LACRT: variants seen among roughly 807,000 people sequenced by gnomAD.
The protein encoded by LACRT is extracellular glycoprotein lacritin.
Under a neutral mutation model 14.5 loss-of-function variants are expected in LACRT, and 14 were observed. That is an observed-to-expected ratio of 0.96 (90% CI 0.64 to 1.51). The LOEUF (loss-of-function observed/expected upper bound fraction) is 1.51. Ranked by LOEUF, LACRT falls within the 40% of genes most tolerant of loss-of-function variation. The pLI is 0.00. For synonymous variants in LACRT, 70 were observed against 63.5 expected, an observed-to-expected ratio of 1.10 and a Z score of -0.48; for missense variants, 156 against 161.8, an observed-to-expected ratio of 0.96 and a Z score of 0.19.
intron 2 of LACRT, among the ~76,000 whole-genome samples, 196 bp from the exon 3 acceptor site, chr12:54,632,577 G>A (rs927169716): frequency 6.6e-6 from 1 of 152,272 alleles, no homozygotes; most frequent in Admixed American, 6.5e-5. Flanking sequence ...GGCAGGGTTG[G>A]GGAAGGATTT....
chr12:54,631,638 G>C (rs567883906), intron 4 of LACRT, 100 bp downstream of exon 4: 1 of 827,952 alleles, frequency 1.2e-6, no homozygotes, highest in Admixed American at 1.8e-5. Context: ...TCTCATATGT[G>C]AGGTGGAAAT....
chr12:54,634,378 C>T (rs1224143059), intron 1 of LACRT, among the ~76,000 whole-genome samples: 1 of 151,838 alleles, frequency 6.6e-6, no homozygotes, highest in South Asian at 2.1e-4. Context: ...AAAAGGCATC[C>T]CTTCCTCCTA....
chr12:54,633,347 G>T, intron 1 of LACRT, 114 bp from the exon 2 acceptor site: 1 of 923,754 alleles, frequency 1.1e-6, no homozygotes, highest in Non-Finnish European at 1.7e-6. Context: ...GGATAGAAGG[G>T]GATCAATTTC....
intron 2 of LACRT, 28 bp downstream of exon 2, chr12:54,633,152 C>G: frequency 6.2e-7 from 1 of 1,611,542 alleles, no homozygotes; most frequent in Non-Finnish European, 8.5e-7. Flanking sequence ...CCAACGAGGG[C>G]TAGGGCAGCA....
chr12:54,634,591 A>G (rs1958175803), intron 1 of LACRT, among the ~76,000 whole-genome samples, 193 bp downstream of exon 1: 2 of 152,278 alleles, frequency 1.3e-5, no homozygotes, highest in African/African-American at 4.8e-5. Flanking sequence ...GGGCAGGCAG[A>G]GGCCAGAGAG....
chr12:54,631,737 C>T lies in LACRT; in HGVS notation c.355+1G>A. 6.2e-7 allele frequency: 1 copy of T among 1,610,954 alleles called. No individual in the cohort carries two copies. Reference sequence around the variant, plus strand: ...AAAGCCTTGCCTTGGGATGCACTCACTTTCGATGAATTGTTTTCCACCTGG... The same window carrying T: ...AAAGCCTTGCCTTGGGATGCACTCATTTTCGATGAATTGTTTTCCACCTGG... On this transcript the variant is annotated splice_donor_variant, in intron 4 of 4. Transcript: ENST00000257867. LOFTEE classifies it high-confidence loss of function.
intron 2 of LACRT, 132 bp downstream of exon 2, chr12:54,633,048 G>T (rs1173113491): frequency 3.7e-5 from 32 of 866,832 alleles, no homozygotes; most frequent in Non-Finnish European, 6.1e-5. Context: ...TATATTACCT[G>T]CCCCTCCCCA....
At position 54,632,284 on chromosome 12, in the gene LACRT, C is replaced by G. The variant is rs181595624; in HGVS notation, c.210G>C (p.Gly70=). ...AQETSAAAVQ[G]TAKVTSSRQE... Reference sequence around the variant, plus strand: ...GCCTGCTTGAGGTGACCTTGGCTGTCCCCTGAACTGCTGCCGCCGAAGTCT... The same window carrying G: ...GCCTGCTTGAGGTGACCTTGGCTGTGCCCTGAACTGCTGCCGCCGAAGTCT... Residue 70 remains glycine, a synonymous_variant, in exon 3 of 5, where the codon GGG becomes GGC. Coordinates refer to ENST00000257867, the MANE Select transcript of LACRT (RefSeq NM_033277.2). The G allele has an allele frequency of 1.1e-5, 17 of 1,613,988 alleles. No homozygotes were observed. In the South Asian group the frequency reaches 1.8e-4, roughly 17 times the overall value.
At chr12:54,633,683 C>T (rs1343870895) in intron 1 of LACRT, among the ~76,000 whole-genome samples, 1 of 152,130 alleles carries the variant, frequency 6.6e-6, no homozygotes, top group African/African-American at 2.4e-5. Flanking sequence ...TTATGCAAAG[C>T]TCTGTGCCAA....
intron 1 of LACRT, among the ~76,000 whole-genome samples, chr12:54,634,353 A>G (rs1278000861): frequency 2.4e-5 from 1 of 41,032 alleles, no homozygotes; most frequent in Non-Finnish European, 5.3e-5. Context: ...CTCGGTCTCA[A>G]AAAAAAAAAA....
chr12:54,632,707 G>T (rs565490313), intron 2 of LACRT, among the ~76,000 whole-genome samples: 1 of 152,188 alleles, frequency 6.6e-6, no homozygotes, highest in East Asian at 1.9e-4. Flanking sequence ...GTGAGTAAGA[G>T]GTCAGGCGAA....
intron 4 of LACRT, 97 bp from the exon 5 acceptor site, chr12:54,631,050 T>C (rs1361995593): frequency 3.9e-6 from 3 of 772,544 alleles, no homozygotes; most frequent in Non-Finnish European, 6.6e-6. Flanking sequence ...TTTCCAGACT[T>C]ACTGAGACTC....
At chr12:54,634,712 G>T in intron 1 of LACRT, 72 bp downstream of exon 1, 2 of 1,356,622 alleles carry the variant, frequency 1.5e-6, no homozygotes, top group Non-Finnish European at 2.1e-6. Context: ...GAGGAGAGGG[G>T]TGAAGGCAGG....
intron 2 of LACRT, 48 bp downstream of exon 2, chr12:54,633,132 T>G: frequency 6.3e-7 from 1 of 1,588,274 alleles, no homozygotes; most frequent in Non-Finnish European, 8.6e-7. Context: ...TCCCTAACTG[T>G]TAAACCTTCC....
rs1427956873 is a variant in LACRT at position 54,633,222 on chromosome 12, A to T, written c.70T>A (p.Ser24Thr). Residue 24 changes from serine (S) to threonine (T), a missense_variant, in exon 2 of 5, where the codon TCT becomes ACT. Transcript: ENST00000257867. ...GALVYAEDAS[S>T]DSTGADPAQE... ...GCAGGATCAGCACCCGTCGAGTCAGAGGAGGCATCTTCTGCAATGGGGGAA... is the reference window on the plus strand; with the variant it reads ...GCAGGATCAGCACCCGTCGAGTCAGTGGAGGCATCTTCTGCAATGGGGGAA... The T allele has an allele frequency of 6.2e-7, 1 of 1,613,802 alleles. No individual in the cohort carries two copies. Among genetic ancestry groups the T allele is most frequent in the East Asian group, 2.2e-5 (1 of 44,882 alleles).
rs1958149393 is a variant in LACRT at position 54,631,036 on chromosome 12, C to T, written c.356-83G>A. The T allele has an allele frequency of 3.5e-6, 3 of 861,604 alleles. No homozygotes were observed. In the Admixed American group the frequency reaches 5.8e-5, roughly 17 times the overall value. The allele number at this position is 861,604 out of a possible 1,614,324, so 53.4% of individuals were successfully genotyped here. A position where few individuals can be genotyped will look rare whatever the true frequency, so the allele number is the denominator to read the frequency against. On this transcript the variant is annotated intron_variant, in intron 4 of 4. Coordinates refer to ENST00000257867, the MANE Select transcript of LACRT (RefSeq NM_033277.2). ...CTTCCATTTCTCCTCAATTCCATCT[C>T]TGCTTTCCAGACTTACTGAGACTCT...
intron 1 of LACRT, 94 bp downstream of exon 1, chr12:54,634,690 G>A (rs1958176435): frequency 8.5e-7 from 1 of 1,182,850 alleles, no homozygotes; most frequent in Non-Finnish European, 1.3e-6. Flanking sequence ...AACCAGAATA[G>A]CACTGAGAGA....
At chr12:54,633,546 T>C (rs1958167509) in intron 1 of LACRT, among the ~76,000 whole-genome samples, 1 of 152,170 alleles carries the variant, frequency 6.6e-6, no homozygotes, top group East Asian at 1.9e-4. Flanking sequence ...GAGCTGGCCA[T>C]GGTCAGAGGG....
In LACRT at chr12:54,631,829, C is replaced by T; in HGVS notation, c.264G>A (p.Val88=). The T allele has an allele frequency of 1.2e-6, 2 of 1,611,996 alleles. No individual in the cohort carries two copies. The highest frequency in any genetic ancestry group is 1.7e-5 in the Admixed American group (1 of 60,016). ...RQELNPLKSI[V]EKSILLTEQA... ...GTTCTGTTAGTAAGATACTTTTCTC[C>T]ACTATGGATTCTAATTTTGGAGCAG... The change falls in exon 4 of 5, where the codon GTG becomes GTA. Residue 88 remains valine, a synonymous_variant. Transcript: ENST00000257867.
Sources: allele counts gnomAD v4.1 joint callset (sites outside exome capture counted in the v4.1 genomes callset), GRCh38; gene constraint gnomAD v4.1.1; transcripts MANE v1.5; gene names NCBI Gene and HGNC (gene_info 2026-07-23, HGNC 2026-07-21).